Variants in OSBPL10 observed in about 807,000 individuals in gnomAD.
OSBPL10 encodes oxysterol binding protein like 10.
OSBPL10 carries 49 observed loss-of-function variants against 81.7 expected under a neutral mutation model. That is an observed-to-expected ratio of 0.60 (90% CI 0.48 to 0.76). OSBPL10 has a LOEUF of 0.76. Among genes scored for constraint, OSBPL10 ranks in the 30% least tolerant of loss-of-function variants. The pLI is 0.00. For synonymous variants in OSBPL10, 419 were observed against 383.6 expected (o/e 1.09, Z -1.08); for missense variants, 923 against 987.8 (o/e 0.93, Z 0.88).
chr3:31,915,475 G>T (rs1286475246), intron 1 of OSBPL10, among the ~76,000 whole-genome samples: 1 of 152,120 alleles, frequency 6.6e-6, no homozygotes, highest in African/African-American at 2.4e-5. Flanking sequence ...GATACAGCTG[G>T]AGGCCATTAT....
chr3:31,674,578 A>AT (rs1265894095), intron 8 of OSBPL10, among the ~76,000 whole-genome samples: 5 of 138,332 alleles, frequency 3.6e-5, no homozygotes, highest in East Asian at 2.1e-4. Context: ...AGACAGATAG[A>AT]TAGATTAGAT....
At chr3:31,890,296 G>T (rs923952973) in intron 1 of OSBPL10, among the ~76,000 whole-genome samples, 1 of 151,498 alleles carries the variant, frequency 6.6e-6, no homozygotes, top group Non-Finnish European at 1.5e-5. Context: ...ACCTCATTTT[G>T]TCTTAGTCAA....
At chr3:31,672,361 CGG>C (rs61186495) in intron 8 of OSBPL10, among the ~76,000 whole-genome samples, 7,435 of 53,730 alleles carry the variant, frequency 0.14, 1,047 homozygotes, top group African/African-American at 0.37. Context: ...TTTGCGGGGG[CGG>C]GGGGGGGGGC....
intron 1 of OSBPL10, among the ~76,000 whole-genome samples, chr3:31,941,944 G>T (rs1280095632): frequency 3.3e-5 from 5 of 152,204 alleles, no homozygotes; most frequent in Admixed American, 3.3e-4. Context: ...CTGGTTACCA[G>T]CAGGGCTTCT....
At chr3:32,041,061 A>G (rs1370734293) in intron 2 of OSBPL10, among the ~76,000 whole-genome samples, 1 of 152,220 alleles carries the variant, frequency 6.6e-6, no homozygotes, top group Non-Finnish European at 1.5e-5. Context: ...AAACAGGTTC[A>G]GGTATATCTG....
At chr3:32,005,626 T>C (rs115196575) in intron 2 of OSBPL10, among the ~76,000 whole-genome samples, 3,409 of 151,978 alleles carry the variant, frequency 0.022, 57 homozygotes, top group Middle Eastern at 0.055. Context: ...TTTCACTCTG[T>C]TGCCAGGCTG....
intron 1 of OSBPL10, among the ~76,000 whole-genome samples, chr3:31,927,930 G>A (rs191366195): frequency 3.9e-4 from 60 of 152,164 alleles, no homozygotes; most frequent in Admixed American, 9.8e-4. Flanking sequence ...CCTTGTAGTC[G>A]GGAACAGGGA....
At chr3:31,881,548 A>G (rs759046540) in intron 1 of OSBPL10, among the ~76,000 whole-genome samples, 9 of 152,164 alleles carry the variant, frequency 5.9e-5, no homozygotes, top group South Asian at 2.1e-4. Flanking sequence ...AAAAACATCA[A>G]CGTAGAACAG....
chr3:31,922,376 TG>T (rs1174743277), intron 1 of OSBPL10, among the ~76,000 whole-genome samples: 2 of 152,180 alleles, frequency 1.3e-5, no homozygotes. Context: ...CCCAGCACTT[TG>T]GGAGGCCATG....
intron 4 of OSBPL10, among the ~76,000 whole-genome samples, chr3:31,768,674 C>A (rs888828194): frequency 1.3e-5 from 2 of 152,148 alleles, no homozygotes; most frequent in East Asian, 3.8e-4. Flanking sequence ...TGCTCACTGG[C>A]TCCCTTCCTA....
At chr3:31,993,465 C>T (rs1372461769) in intron 2 of OSBPL10, among the ~76,000 whole-genome samples, 6 of 152,102 alleles carry the variant, frequency 3.9e-5, no homozygotes, top group Non-Finnish European at 8.8e-5. Flanking sequence ...GCCTCGGCCT[C>T]CCAAAGTGCT....
intron 1 of OSBPL10, among the ~76,000 whole-genome samples, chr3:31,914,742 T>A (rs1174397982): frequency 2.0e-5 from 3 of 152,172 alleles, no homozygotes; most frequent in African/African-American, 7.2e-5. Flanking sequence ...ACTATTTAAC[T>A]TAAAATGATT....
At chr3:31,855,115 T>C (rs2125584432) in intron 3 of OSBPL10, among the ~76,000 whole-genome samples, 1 of 152,330 alleles carries the variant, frequency 6.6e-6, no homozygotes, top group East Asian at 1.9e-4. Flanking sequence ...AACCTCCAAC[T>C]CTCGGACTCA....
At chr3:32,077,378 C>T (rs935237023) in intron 1 of OSBPL10, 1 of 152,290 alleles carries the variant, frequency 6.6e-6, no homozygotes, top group African/African-American at 2.4e-5. Flanking sequence ...TAGGAATGTT[C>T]GGTAATTATC....
intron 1 of OSBPL10, among the ~76,000 whole-genome samples, chr3:31,962,158 C>T (rs533404852): frequency 2.0e-5 from 3 of 152,038 alleles, no homozygotes; most frequent in South Asian, 2.1e-4. Context: ...GGTTTCATCA[C>T]GTTGGCCAGG....
intron 3 of OSBPL10, among the ~76,000 whole-genome samples, chr3:31,874,131 C>T (rs1359837549): frequency 2.0e-5 from 3 of 150,448 alleles, no homozygotes; most frequent in Admixed American, 6.6e-5. Flanking sequence ...TTTTTAACTA[C>T]CATTAGGAAG....
chr3:31,663,403 G>A, intron 11 of OSBPL10: 1 of 986,720 alleles, frequency 1.0e-6, no homozygotes, highest in Non-Finnish European at 1.2e-6. Flanking sequence ...AAGACGTGTG[G>A]CTCCTACATT....
chr3:31,692,069 A>T (rs1026134264), intron 7 of OSBPL10, among the ~76,000 whole-genome samples: 2 of 152,160 alleles, frequency 1.3e-5, no homozygotes, highest in African/African-American at 4.8e-5. Flanking sequence ...GAAGAGTTTG[A>T]AATAAAATTT....
At chr3:32,038,312 A>G (rs1488958210) in intron 2 of OSBPL10, among the ~76,000 whole-genome samples, 1 of 152,240 alleles carries the variant, frequency 6.6e-6, no homozygotes, top group Non-Finnish European at 1.5e-5. Context: ...AAATATCCAG[A>G]AAAACCAAGT....
Sources: gnomAD v4.1 joint callset for allele counts (sites outside exome capture counted in the v4.1 genomes callset) on GRCh38, gnomAD v4.1.1 for gene constraint, MANE v1.5 for transcripts, NCBI Gene and HGNC (gene_info 2026-07-23, HGNC 2026-07-21) for gene names.